TBC1D8: variants seen among roughly 807,000 people sequenced by gnomAD.
The protein encoded by TBC1D8 is BUB2-like protein 1.
In TBC1D8, 65 loss-of-function variants were observed where a neutral mutation model predicts 118.8. The ratio of observed to expected loss-of-function variants is 0.55; its 90% CI spans 0.45 to 0.67. The LOEUF is 0.67. TBC1D8 is among the 30% of genes least tolerant of loss of function. The pLI is 0.00. For synonymous variants in TBC1D8, 566 were observed against 595.8 expected (o/e 0.95, Z 0.73); for missense variants, 1,376 against 1,471.2 (o/e 0.94, Z 1.06).
At chr2:101,009,137 T>C (rs1338290196) in intron 19 of TBC1D8, among the ~76,000 whole-genome samples, 2 of 152,156 alleles carry the variant, frequency 1.3e-5, no homozygotes, top group Admixed American at 1.3e-4. Flanking sequence ...CTCATGCCTG[T>C]AATCCCAGCA....
intron 4 of TBC1D8, among the ~76,000 whole-genome samples, 186 bp from the exon 5 acceptor site, chr2:101,050,827 C>T (rs777260838): frequency 9.9e-5 from 15 of 152,280 alleles, no homozygotes; most frequent in Middle Eastern, 6.8e-3. Flanking sequence ...TCATGTCATG[C>T]GGGTTTGCTG....
intron 1 of TBC1D8, among the ~76,000 whole-genome samples, chr2:101,100,877 G>A (rs55919377): frequency 2.0e-5 from 3 of 151,828 alleles, no homozygotes; most frequent in Non-Finnish European, 4.4e-5. Flanking sequence ...ACACCTTATA[G>A]AAAAATTAAC....
chr2:101,016,552 G>A, intron 17 of TBC1D8, among the ~76,000 whole-genome samples: 1 of 152,140 alleles, frequency 6.6e-6, no homozygotes. Context: ...AATACCATTT[G>A]ACCCAGCCAT....
At chr2:101,124,854 A>T (rs942096315) in intron 1 of TBC1D8, among the ~76,000 whole-genome samples, 2 of 152,180 alleles carry the variant, frequency 1.3e-5, no homozygotes, top group Non-Finnish European at 2.9e-5. Context: ...CTTTCGAAGC[A>T]TCTGGAGACG....
At chr2:101,105,457 C>A (rs1254095867) in intron 1 of TBC1D8, among the ~76,000 whole-genome samples, 1 of 151,728 alleles carries the variant, frequency 6.6e-6, no homozygotes, top group African/African-American at 2.4e-5. Context: ...GGCATGGTGG[C>A]TCGTGCCTGT....
chr2:101,034,028 G>T (rs1040736705), intron 9 of TBC1D8, among the ~76,000 whole-genome samples: 4 of 152,136 alleles, frequency 2.6e-5, no homozygotes, highest in Non-Finnish European at 4.4e-5. Flanking sequence ...GCCAGGCATG[G>T]TGGTGGGTGC....
chr2:101,023,635 A>T, intron 15 of TBC1D8: 2 of 430,662 alleles, frequency 4.6e-6, no homozygotes, highest in African/African-American at 2.1e-5. Flanking sequence ...TTTTTTTTTT[A>T]AGGTGAGTTG....
At chr2:101,047,415 G>A (rs973771727) in intron 5 of TBC1D8, among the ~76,000 whole-genome samples, 3 of 152,190 alleles carry the variant, frequency 2.0e-5, no homozygotes, top group African/African-American at 7.2e-5. Flanking sequence ...GGGAAGGGAA[G>A]GGAAAAGGGA....
chr2:101,025,189 G>A (rs998191915), intron 15 of TBC1D8, among the ~76,000 whole-genome samples: 1 of 151,900 alleles, frequency 6.6e-6, no homozygotes, highest in African/African-American at 2.4e-5. Context: ...TGTACAGGGA[G>A]GGTAATACGG....
rs375908786 is a variant in TBC1D8 at position 101,064,831 on chromosome 2, T to C, written c.284-5292A>G. Among the ~76,000 whole-genome samples the C allele has an allele frequency of 5.3e-5, 8 of 152,112 alleles. 1 individual carries two copies. The highest frequency in any genetic ancestry group is 3.9e-4 in the Admixed American group (6 of 15,266). The stretch of plus-strand genomic sequence containing the variant: ...GTCAGGAATTTTGTTCCATATACCA[T>C]ACACATAATATTACTTATCTCCATA... On this transcript the variant is annotated intron_variant, in intron 2 of 19. Coordinates refer to ENST00000409318, the MANE Select transcript of TBC1D8 (RefSeq NM_001330348.2).
At chr2:101,054,701 A>G (rs1157287760) in intron 3 of TBC1D8, among the ~76,000 whole-genome samples, 8 of 41,394 alleles carry the variant, frequency 1.9e-4, no homozygotes, top group East Asian at 8.9e-4. Context: ...TTTTTTTTGG[A>G]GACGGAGTTT....
chr2:101,150,739 C>T (rs1001827486), intron 1 of TBC1D8, among the ~76,000 whole-genome samples: 2 of 152,186 alleles, frequency 1.3e-5, no homozygotes, highest in Admixed American at 6.5e-5. Flanking sequence ...CGAGTCCGGG[C>T]TGGCTCGGCG....
At chr2:101,055,144 C>T (rs1232461576) in intron 3 of TBC1D8, among the ~76,000 whole-genome samples, 1 of 151,080 alleles carries the variant, frequency 6.6e-6, no homozygotes, top group Non-Finnish European at 1.5e-5. Flanking sequence ...AATCCCAGCA[C>T]TTTGGGAGAC....
intron 1 of TBC1D8, among the ~76,000 whole-genome samples, chr2:101,150,735 C>T (rs1679520714): frequency 6.6e-6 from 1 of 152,180 alleles, no homozygotes; most frequent in Non-Finnish European, 1.5e-5. Flanking sequence ...TGGCCGAGTC[C>T]GGGCTGGCTC....
intron 3 of TBC1D8, among the ~76,000 whole-genome samples, chr2:101,054,672 C>CTTTTTTT (rs34465252): frequency 1.0e-3 from 26 of 25,426 alleles, no homozygotes; most frequent in South Asian, 2.2e-3. Flanking sequence ...CTTTTCTTTT[C>CTTTTTTT]TTTTTTTTTT....
chr2:101,025,477 C>T (rs34315890), intron 15 of TBC1D8, among the ~76,000 whole-genome samples: 38,452 of 152,184 alleles, frequency 0.25, 5,447 homozygotes, highest in South Asian at 0.38. Context: ...TTCGGCCTCC[C>T]AAAGTGCTGG....
intron 2 of TBC1D8, among the ~76,000 whole-genome samples, chr2:101,087,586 T>C (rs906264325): frequency 1.0e-4 from 15 of 147,262 alleles, no homozygotes; most frequent in African/African-American, 3.8e-4. Flanking sequence ...GAGGTTGCAG[T>C]GAGCTGAGAT....
intron 1 of TBC1D8, among the ~76,000 whole-genome samples, chr2:101,137,189 C>T (rs1211090190): frequency 1.3e-5 from 2 of 152,042 alleles, no homozygotes; most frequent in African/African-American, 4.8e-5. Flanking sequence ...TGTGCCACCA[C>T]GCCCAGCTAA....
chr2:101,053,981 C>T (rs1186813679), intron 4 of TBC1D8, 127 bp downstream of exon 4: 1 of 810,912 alleles, frequency 1.2e-6, no homozygotes, highest in Admixed American at 2.8e-5. Flanking sequence ...AATCAAGTGT[C>T]ACCTGGTGTC....
Sources: allele counts gnomAD v4.1 joint callset (sites outside exome capture counted in the v4.1 genomes callset), GRCh38; gene constraint gnomAD v4.1.1; transcripts MANE v1.5; gene names NCBI Gene and HGNC (gene_info 2026-07-23, HGNC 2026-07-21).